USP30: variants seen among roughly 807,000 people sequenced by gnomAD.
USP30 encodes ubiquitin carboxyl-terminal hydrolase 30.
A neutral mutation model predicts 68.2 loss-of-function variants in USP30; 41 were observed. The ratio of observed to expected loss-of-function variants is 0.60; its 90% CI spans 0.47 to 0.78. The LOEUF (loss-of-function observed/expected upper bound fraction) is 0.78, where lower values mean the gene tolerates loss of function less well. USP30 is among the 30% of genes least tolerant of loss of function. The probability of loss-of-function intolerance (pLI) is 0.00; values close to 1 mark genes in which losing one functional copy is unlikely to be tolerated. For missense variants in USP30, 522 were observed against 649.4 expected, an observed-to-expected ratio of 0.80 and a Z score of 2.13; for synonymous variants, 229 against 253.7, an observed-to-expected ratio of 0.90 and a Z score of 0.93.
Position 109,052,584 on chromosome 12 carries a change from A to T in USP30, c.-95A>T. 1 of 1,267,920 alleles carries T rather than the reference A, an allele frequency of 7.9e-7. No homozygotes were observed. Among genetic ancestry groups the T allele is most frequent in the Non-Finnish European group, 1.0e-6 (1 of 971,076 alleles). The allele number at this position is 1,267,920 out of a possible 1,614,324, so 78.5% of individuals were successfully genotyped here. On this transcript the variant is annotated 5_prime_UTR_variant, in exon 1 of 13. Transcript: ENST00000257548. ...CCCGAGGTGCTGGGACTGCGGCCGCAGGTTCCGCTGTCTCGGGAACCGTCG... is the reference window on the plus strand; with the variant it reads ...CCCGAGGTGCTGGGACTGCGGCCGCTGGTTCCGCTGTCTCGGGAACCGTCG...
At chr12:109,081,468 A>C (rs2041792423) in intron 8 of USP30, 75 bp downstream of exon 8, 1 of 1,489,710 alleles carries the variant, frequency 6.7e-7, no homozygotes, top group Non-Finnish European at 9.3e-7. Flanking sequence ...GAGGCATTTT[A>C]TGTGGCTCAG....
At chr12:109,023,666 C>T (rs1262685416) in intron 1 of USP30, among the ~76,000 whole-genome samples, 1 of 118,436 alleles carries the variant, frequency 8.4e-6, no homozygotes, top group Admixed American at 1.1e-4. Flanking sequence ...CAGAGTCTCT[C>T]TCTGTCACCC....
intron 7 of USP30, among the ~76,000 whole-genome samples, chr12:109,080,363 C>T (rs1566104461): frequency 6.6e-6 from 1 of 152,154 alleles, no homozygotes; most frequent in Non-Finnish European, 1.5e-5. Flanking sequence ...TCTGTTTTTC[C>T]AACAGTTGAC....
intron 3 of USP30, among the ~76,000 whole-genome samples, chr12:109,034,107 G>A (rs901562203): frequency 2.6e-4 from 39 of 152,174 alleles, no homozygotes; most frequent in African/African-American, 8.7e-4. Flanking sequence ...ACAGCTCAAC[G>A]TGTCTGAGTC....
At chr12:109,058,730 G>A (rs1398214792) in intron 3 of USP30, among the ~76,000 whole-genome samples, 2 of 152,098 alleles carry the variant, frequency 1.3e-5, no homozygotes, top group South Asian at 2.1e-4. Flanking sequence ...AAAAATGTCC[G>A]TTAGCCTAGA....
chr12:109,058,159 A>G (rs1359145886), intron 3 of USP30, 51 bp downstream of exon 3: 1 of 1,525,202 alleles, frequency 6.6e-7, no homozygotes. Flanking sequence ...AAAGAAGTCC[A>G]GATGACAGAG....
In USP30 at chr12:109,070,857, C is replaced by T. The variant is rs571698708; in HGVS notation, c.481-755C>T. Among the ~76,000 whole-genome samples the T allele has an allele frequency of 6.6e-5, 10 of 152,256 alleles. No individual in the cohort carries two copies. Among genetic ancestry groups the T allele is most frequent in the South Asian group, 2.1e-4 (1 of 4,814 alleles). On this transcript the variant is annotated intron_variant, in intron 4 of 12. Transcript: ENST00000257548. The surrounding 1 kb of genome is among the most constrained non-coding windows in gnomAD (Gnocchi z 4.0). ...ATACTCAGGTTAATAGCAGCATGTT[C>T]GCAATAGCCAAGGGGTAGAAGCAAC...
At position 109,070,276 on chromosome 12, in the gene USP30, G is replaced by A. The variant is rs1278910721; in HGVS notation, c.481-1336G>A. 1.3e-5 allele frequency among the ~76,000 whole-genome samples: 2 copies of A among 152,196 alleles called. No homozygotes were observed. Among genetic ancestry groups the A allele is most frequent in the Non-Finnish European group, 2.9e-5 (2 of 68,048 alleles). ...CAGGAATTTAGGGCGTATTTTGGAG[G>A]AGGGTCCTTTTTTCAGGACTGCTGC... On this transcript the variant is annotated intron_variant, in intron 4 of 12. Coordinates refer to ENST00000257548, the MANE Select transcript of USP30 (RefSeq NM_032663.5). This position sits in a 1 kb window ranked among gnomAD's most constrained non-coding sequence, Gnocchi z 4.0.
chr12:109,070,038 A>G lies in USP30; in HGVS notation c.481-1574A>G, dbSNP rs544215815. Among the ~76,000 whole-genome samples, 272 of 152,150 alleles carry G rather than the reference A, an allele frequency of 1.8e-3. 2 individuals are homozygous for G. The highest frequency in any genetic ancestry group is 6.2e-3 in the African/African-American group (256 of 41,494). ...GCAGGGAGCAGATTGTGCAGGGACT[A>G]GGAGGCTGCGGGCGGCATCAGCTTC... On this transcript the variant is annotated intron_variant, in intron 4 of 12. Transcript: ENST00000257548. This position sits in a 1 kb window ranked among gnomAD's most constrained non-coding sequence, Gnocchi z 4.0.
chr12:109,058,131 G>A (rs1162963844), intron 3 of USP30, 23 bp downstream of exon 3: 1 of 1,581,658 alleles, frequency 6.3e-7, no homozygotes, highest in African/African-American at 1.4e-5. Context: ...GAATTTCAAG[G>A]GAATTATGTA....
At chr12:109,072,481 G>C in intron 6 of USP30, 131 bp downstream of exon 6, 1 of 835,836 alleles carries the variant, frequency 1.2e-6, no homozygotes, top group Non-Finnish European at 1.9e-6. Flanking sequence ...GCTTGCAAAG[G>C]AACTTGTATT....
intron 1 of USP30, among the ~76,000 whole-genome samples, chr12:109,054,411 C>T (rs1593237313): frequency 2.0e-5 from 3 of 151,978 alleles, no homozygotes; most frequent in East Asian, 3.9e-4. Flanking sequence ...GTCCCAGCTA[C>T]TTGGGAGGCT....
At chr12:109,074,655 A>G (rs529469133) in intron 7 of USP30, among the ~76,000 whole-genome samples, 2 of 152,338 alleles carry the variant, frequency 1.3e-5, no homozygotes, top group South Asian at 4.1e-4. Flanking sequence ...CTAATCGACA[A>G]TAAAAATTGT....
At chr12:109,073,966 A>G (rs945736419) in intron 7 of USP30, among the ~76,000 whole-genome samples, 2 of 152,124 alleles carry the variant, frequency 1.3e-5, no homozygotes, top group Admixed American at 6.5e-5. Flanking sequence ...CTCCGGGATC[A>G]GTCAACTTTA....
In USP30 at chr12:109,058,572, C is replaced by CAA. The variant is rs111944941; in HGVS notation, c.376+478_376+479dup. On this transcript the variant is annotated intron_variant, in intron 3 of 12. Transcript: ENST00000257548. ...GAGCAACAAGAGCGAAACTCCGTCT[C>CAA]AAAAAAAAAAAAAAATCAAAGATGG... Among the ~76,000 whole-genome samples, 426 of 139,234 alleles carry CAA rather than the reference C, an allele frequency of 3.1e-3. 2 individuals carry two copies. The highest frequency in any genetic ancestry group is 0.011 in the Middle Eastern group (3 of 264). The allele number at this position is 139,234 out of a possible 152,430, so 91.3% of individuals were successfully genotyped here.
chr12:109,068,368 T>A (rs2041326487), intron 4 of USP30, among the ~76,000 whole-genome samples: 2 of 152,066 alleles, frequency 1.3e-5, no homozygotes, highest in Admixed American at 6.6e-5. Flanking sequence ...CCCAAAACTG[T>A]GGGGCCGACG....
chr12:109,063,959 G>A (rs768606292), intron 3 of USP30, among the ~76,000 whole-genome samples: 18 of 144,896 alleles, frequency 1.2e-4, no homozygotes, highest in South Asian at 6.7e-4. Flanking sequence ...TGCGACCTCC[G>A]CCTCCTGAGT....
intron 8 of USP30, 45 bp downstream of exon 8, chr12:109,081,438 T>C (rs2041791627): frequency 1.2e-6 from 2 of 1,602,364 alleles, no homozygotes; most frequent in African/African-American, 1.3e-5. Flanking sequence ...TTCAGAAACA[T>C]TTCAATCTGA....
chr12:109,085,994 A>G lies in USP30; in HGVS notation c.*63A>G. 6.5e-7 allele frequency: 1 copy of G among 1,548,300 alleles called. No individual in the cohort carries two copies. The highest frequency in any genetic ancestry group is 1.9e-5 in the Admixed American group (1 of 52,582). ...CTGCACTGTCCAGGAAAAAAGTAAA[A>G]CTGTACTGTTGCGTGTGCAAGCGGC... On this transcript the variant is annotated 3_prime_UTR_variant, in exon 13 of 13. Transcript: ENST00000257548.
Sources: gnomAD v4.1 joint callset for allele counts (sites outside exome capture counted in the v4.1 genomes callset) on GRCh38, gnomAD v4.1.1 for gene constraint, Gnocchi (gnomAD v3.1) non-coding constraint, MANE v1.5 for transcripts, NCBI Gene and HGNC (gene_info 2026-07-23, HGNC 2026-07-21) for gene names.